SP1: variants seen among roughly 807,000 people sequenced by gnomAD.
SP1 encodes transcription factor Sp1.
A neutral mutation model predicts 66.3 loss-of-function variants in SP1; 6 were observed. The observed-to-expected ratio is 0.09, with a 90% CI of 0.05 to 0.18. The LOEUF (loss-of-function observed/expected upper bound fraction) is 0.18. Ranked by LOEUF, SP1 falls within the 10% of genes least tolerant of loss-of-function variation. SP1 has a pLI of 1.00. For synonymous variants in SP1, 417 were observed against 360.8 expected (o/e 1.16, Z -1.77); for missense variants, 848 against 964.5 (o/e 0.88, Z 1.60).
Position 53,413,201 on chromosome 12 carries a change from G to A in SP1, c.*1961G>A, listed in dbSNP as rs1230723468. The stretch of plus-strand genomic sequence containing the variant: ...ACCTAGAAATCTATCTTAAAACCTG[G>A]GTATGTTCCTAAGGTCATTTCTTTG... On this transcript the variant is annotated 3_prime_UTR_variant, in exon 6 of 6. Coordinates refer to ENST00000327443, the MANE Select transcript of SP1 (RefSeq NM_138473.3). 6.6e-6 allele frequency: 1 copy of A among 152,322 alleles called. No homozygotes were observed. Among genetic ancestry groups the A allele is most frequent in the Admixed American group, 6.6e-5 (1 of 15,232 alleles). 9.4% of individuals were successfully genotyped at this position (152,322 alleles called of 1,614,324 possible). A position where few individuals can be genotyped will look rare whatever the true frequency, so the allele number is the denominator to read the frequency against.
At chr12:53,402,218 A>G (rs987876898) in intron 3 of SP1, among the ~76,000 whole-genome samples, 3 of 132,566 alleles carry the variant, frequency 2.3e-5, no homozygotes, top group Non-Finnish European at 4.8e-5. Context: ...CATAGGCTGC[A>G]CCTTTTTTTT....
At chr12:53,385,421 C>T (rs561463105) in intron 3 of SP1, among the ~76,000 whole-genome samples, 256 of 150,936 alleles carry the variant, frequency 1.7e-3, no homozygotes, top group African/African-American at 6.2e-3. Context: ...CTGTGAAACC[C>T]TGTCTCTACT....
chr12:53,386,158 C>T (rs538050742), intron 3 of SP1, among the ~76,000 whole-genome samples: 3 of 152,168 alleles, frequency 2.0e-5, no homozygotes, highest in South Asian at 4.2e-4. Flanking sequence ...CATAGCTTCC[C>T]TTCACACTAA....
intron 3 of SP1, among the ~76,000 whole-genome samples, chr12:53,392,794 C>T (rs1049023198): frequency 6.6e-6 from 1 of 151,732 alleles, no homozygotes; most frequent in Non-Finnish European, 1.5e-5. Context: ...CATGCCTGGC[C>T]TAGAAGGAGG....
chr12:53,400,755 ATTTTTTTTTTTT>A (rs10547195), intron 3 of SP1, among the ~76,000 whole-genome samples: 2 of 70,058 alleles, frequency 2.9e-5, no homozygotes, highest in South Asian at 1.1e-3. Flanking sequence ...CACTGGGCTA[ATTTTTTTTTTTT>A]TTTTTTTTTT....
intron 3 of SP1, among the ~76,000 whole-genome samples, chr12:53,395,967 A>C (rs1014380902): frequency 6.6e-6 from 1 of 152,110 alleles, no homozygotes; most frequent in Admixed American, 6.6e-5. Flanking sequence ...TAAAAATACA[A>C]AAATTAGCTG....
chr12:53,383,343 A>G lies in SP1; in HGVS notation c.1396A>G (p.Thr466Ala). 1 of 1,614,128 alleles carries G rather than the reference A, an allele frequency of 6.2e-7. No homozygotes were observed. Among genetic ancestry groups the G allele is most frequent in the Non-Finnish European group, 8.5e-7 (1 of 1,180,032 alleles). The change falls in exon 3 of 6, where the codon ACT (threonine) becomes GCT (alanine). Residue 466 changes from threonine to alanine, a missense_variant. Physicochemically the swap from Thr to Ala is moderately conservative, Grantham distance 58. Coordinates refer to ENST00000327443, the MANE Select transcript of SP1 (RefSeq NM_138473.3). ...GCCCAATGGACAGGTCAGTTGGCAG[A>G]CTCTACAGCTGCAGAACCTCCAAGT... ...VGPNGQVSWQ[T>A]LQLQNLQVQN...
In SP1 at chr12:53,414,579, A is replaced by G. The variant is rs1938959326; in HGVS notation, c.*3339A>G. The stretch of plus-strand genomic sequence containing the variant: ...GCTGATTTATTTCTACTATATACAT[A>G]TATATTTTTTGCTTTTGTATATCCT... On this transcript the variant is annotated 3_prime_UTR_variant, in exon 6 of 6. Coordinates refer to ENST00000327443, the MANE Select transcript of SP1 (RefSeq NM_138473.3). 1 of 152,618 alleles carries G rather than the reference A, an allele frequency of 6.6e-6. No individual in the cohort carries two copies. The highest frequency in any genetic ancestry group is 2.4e-5 in the African/African-American group (1 of 41,438). 9.5% of individuals were successfully genotyped at this position (152,618 alleles called of 1,614,324 possible).
At chr12:53,406,823 G>T (rs1938749997) in intron 4 of SP1, 70 bp downstream of exon 4, 1 of 1,352,416 alleles carries the variant, frequency 7.4e-7, no homozygotes, top group Non-Finnish European at 9.9e-7. Flanking sequence ...AGAGGAAGAA[G>T]ATTAATTTTT....
intron 1 of SP1, chr12:53,380,709 C>T: frequency 7.2e-6 from 7 of 974,320 alleles, no homozygotes; most frequent in Non-Finnish European, 8.5e-6. Context: ...CAAGGCCCTC[C>T]TCCCCCCACT....
chr12:53,391,346 C>CTTTTTTTTTT (rs71068117), intron 3 of SP1, among the ~76,000 whole-genome samples: 12 of 97,454 alleles, frequency 1.2e-4, no homozygotes, highest in East Asian at 3.8e-4. Flanking sequence ...TAAGTAATGT[C>CTTTTTTTTTT]TTTTTTTTTT....
rs1287321102 is a variant in SP1 at position 53,414,712 on chromosome 12, T to C, written c.*3472T>C. On this transcript the variant is annotated 3_prime_UTR_variant, in exon 6 of 6. Transcript: ENST00000327443. ...TTTTGTATTGTTAATATCTTCACAT[T>C]GTGTGAATACTGGAAGCTGCAGATC... The C allele has an allele frequency of 6.6e-6, 1 of 152,642 alleles. No homozygotes were observed. Among genetic ancestry groups the C allele is most frequent in the African/African-American group, 2.4e-5 (1 of 41,458 alleles). The allele number at this position is 152,642 out of a possible 1,614,324, so 9.5% of individuals were successfully genotyped here.
intron 3 of SP1, among the ~76,000 whole-genome samples, chr12:53,406,163 C>T (rs1394170321): frequency 2.7e-5 from 4 of 150,678 alleles, no homozygotes; most frequent in African/African-American, 4.9e-5. Context: ...CTCCGCCTCC[C>T]GGGTTCAAGC....
chr12:53,407,373 G>T (rs1365763980), intron 4 of SP1, among the ~76,000 whole-genome samples: 1 of 151,516 alleles, frequency 6.6e-6, no homozygotes, highest in Non-Finnish European at 1.5e-5. Flanking sequence ...TGTTTCCCAG[G>T]CTGGAGTGCA....
At position 53,414,375 on chromosome 12, in the gene SP1, C is replaced by T. The variant is rs1054755286; in HGVS notation, c.*3135C>T. 3.3e-5 allele frequency: 5 copies of T among 152,626 alleles called. No individual in the cohort carries two copies. Among genetic ancestry groups the T allele is most frequent in the Non-Finnish European group, 5.9e-5 (4 of 68,050 alleles). 9.5% of individuals were successfully genotyped at this position (152,626 alleles called of 1,614,324 possible). Reference sequence around the variant, plus strand: ...CCAGAACAGTAACAACCCACACCGTCTTCCTTCAGGGATTTCCAACTGGCA... The same window carrying T: ...CCAGAACAGTAACAACCCACACCGTTTTCCTTCAGGGATTTCCAACTGGCA... On this transcript the variant is annotated 3_prime_UTR_variant, in exon 6 of 6. Coordinates refer to ENST00000327443, the MANE Select transcript of SP1 (RefSeq NM_138473.3).
intron 3 of SP1, among the ~76,000 whole-genome samples, chr12:53,398,613 T>C (rs1488778042): frequency 6.6e-6 from 1 of 152,196 alleles, no homozygotes; most frequent in African/African-American, 2.4e-5. Context: ...ATATAAAATG[T>C]TCTTGCTACC....
At position 53,382,878 on chromosome 12, in the gene SP1, G is replaced by T. The variant is rs750641826; in HGVS notation, c.931G>T (p.Val311Leu). ...SGTTISSASLVSSQASSSSFF... is the reference protein window; with the variant it reads ...SGTTISSASLLSSQASSSSFF... ...GACTACCATCAGTTCTGCCAGCTTGGTATCATCACAAGCCAGTTCCAGCTC... is the reference window on the plus strand; with the variant it reads ...GACTACCATCAGTTCTGCCAGCTTGTTATCATCACAAGCCAGTTCCAGCTC... Residue 311 changes from valine to leucine, a missense_variant, in exon 3 of 6, where the codon GTA becomes TTA. Coordinates refer to ENST00000327443, the MANE Select transcript of SP1 (RefSeq NM_138473.3). The T allele has an allele frequency of 6.0e-5, 97 of 1,614,022 alleles. No homozygotes were observed. Among genetic ancestry groups the T allele is most frequent in the Non-Finnish European group, 7.7e-5 (91 of 1,180,028 alleles).
At chr12:53,381,927 A>G (rs1211394398) in intron 2 of SP1, 114 bp downstream of exon 2, 2 of 1,277,534 alleles carry the variant, frequency 1.6e-6, no homozygotes, top group African/African-American at 3.0e-5. Flanking sequence ...TTTTATAGAT[A>G]AGGAAGTAAG....
At chr12:53,407,518 GT>G (rs1938772018) in intron 4 of SP1, among the ~76,000 whole-genome samples, 1 of 151,670 alleles carries the variant, frequency 6.6e-6, no homozygotes, top group South Asian at 2.1e-4. Context: ...TAGAGACAGG[GT>G]TTCACCTTGT....
Sources: allele counts gnomAD v4.1 joint callset (sites outside exome capture counted in the v4.1 genomes callset), GRCh38; gene constraint gnomAD v4.1.1; transcripts MANE v1.5; gene names NCBI Gene and HGNC (gene_info 2026-07-23, HGNC 2026-07-21).